NBAS: variants seen among roughly 807,000 people sequenced by gnomAD.
The protein encoded by NBAS is NBAS subunit of NRZ tethering complex, also known as NAG/BC035112 fusion.
A neutral mutation model predicts 302.5 loss-of-function variants in NBAS; 219 were observed. That is an observed-to-expected ratio of 0.72 (90% CI 0.65 to 0.81). NBAS has a LOEUF of 0.81. Ranked by LOEUF, NBAS falls within the 30% of genes least tolerant of loss-of-function variation. NBAS has a pLI of 0.00. For synonymous variants in NBAS, 1,118 were observed against 1,021.6 expected (o/e 1.09, Z -1.80); for missense variants, 2,932 against 2,841.6 (o/e 1.03, Z -0.72).
intron 11 of NBAS, among the ~76,000 whole-genome samples, chr2:15,491,555 T>C (rs1213679257): frequency 1.3e-5 from 2 of 151,970 alleles, no homozygotes; most frequent in East Asian, 1.9e-4. Context: ...GCTAACACAG[T>C]GAAACCCCGT....
At position 15,537,293 on chromosome 2, in the gene NBAS, T is replaced by C. The variant is rs889111290; in HGVS notation, c.514-742A>G. 5.3e-5 allele frequency among the ~76,000 whole-genome samples: 8 copies of C among 152,346 alleles called. 1 individual carries two copies. The highest frequency in any genetic ancestry group is 1.2e-4 in the Non-Finnish European group (8 of 68,038). On this transcript the variant is annotated intron_variant, in intron 7 of 51. Transcript: ENST00000281513. ...GCTCCTCAGTACCAGGAGGAGGAGA[T>C]GGACTCATCCCTGGAAACCAGAAGT...
At chr2:15,304,604 A>C (rs1670948031) in intron 40 of NBAS, among the ~76,000 whole-genome samples, 1 of 152,198 alleles carries the variant, frequency 6.6e-6, no homozygotes, top group African/African-American at 2.4e-5. Flanking sequence ...ACTTTGACCA[A>C]AATGCTGATA....
Position 15,553,414 on chromosome 2 carries a change from A to C in NBAS, c.335+12T>G, listed in dbSNP as rs201007689. Reference sequence around the variant, plus strand: ...AAAGGAAATCTTGAATATGAATAATATTAACAATTACCTGATTTCCACACA... The same window carrying C: ...AAAGGAAATCTTGAATATGAATAATCTTAACAATTACCTGATTTCCACACA... On this transcript the variant is annotated intron_variant, in intron 5 of 51. Transcript: ENST00000281513. The C allele has an allele frequency of 2.7e-4, 435 of 1,596,690 alleles. 3 individuals carry two copies. The highest frequency in any genetic ancestry group is 2.5e-3 in the South Asian group (226 of 90,660).
the NBAS span, among the ~76,000 whole-genome samples, chr2:15,104,500 C>CTT: frequency 6.8e-6 from 1 of 147,508 alleles, no homozygotes; most frequent in Non-Finnish European, 1.5e-5. Flanking sequence ...TTATCTGCTA[C>CTT]TTTTTTTTTT....
chr2:15,457,576 C>G (rs1679304253), intron 21 of NBAS, among the ~76,000 whole-genome samples: 1 of 152,228 alleles, frequency 6.6e-6, no homozygotes, highest in African/African-American at 2.4e-5. Flanking sequence ...GGAAGTGCTA[C>G]TGCTTCGTAA....
the NBAS span, among the ~76,000 whole-genome samples, chr2:14,803,897 G>C: frequency 1.3e-5 from 2 of 152,130 alleles, no homozygotes; most frequent in South Asian, 2.1e-4. Context: ...TGATCCTCCT[G>C]CCTTGGCCTC....
In NBAS at chr2:15,330,787, G is replaced by C. The variant is rs376104069; in HGVS notation, c.4180-22C>G. 1.1e-5 allele frequency: 18 copies of C among 1,611,722 alleles called. No individual in the cohort carries two copies. The African/African-American group carries it at 2.3e-4, about 20-fold the overall frequency. ...CATCCTGTATTAAAGAAACAAAATA[G>C]CAAGGGCAAAAATGCATTACCATAA... On this transcript the variant is annotated intron_variant, in intron 35 of 51. Transcript: ENST00000281513.
intron 44 of NBAS, 22 bp downstream of exon 44, chr2:15,275,462 T>C (rs1489741589): frequency 6.2e-7 from 1 of 1,610,150 alleles, no homozygotes. Flanking sequence ...CTCAAACCAC[T>C]TTAAAATATC....
At chr2:15,063,199 T>C in the NBAS span, among the ~76,000 whole-genome samples, 1 of 152,250 alleles carries the variant, frequency 6.6e-6, no homozygotes, top group African/African-American at 2.4e-5. Context: ...GCCCAGGAAA[T>C]GCTTGTGCTT....
chr2:14,981,389 C>A, the NBAS span, among the ~76,000 whole-genome samples: 4 of 152,180 alleles, frequency 2.6e-5, no homozygotes, highest in Non-Finnish European at 4.4e-5. Context: ...AAATGGAAGG[C>A]CAGACTAAGT....
At chr2:14,991,714 C>T in the NBAS span, among the ~76,000 whole-genome samples, 1 of 152,236 alleles carries the variant, frequency 6.6e-6, no homozygotes, top group African/African-American at 2.4e-5. Context: ...CCATCAGCAT[C>T]ACCTGGGTCT....
At chr2:15,371,720 A>G (rs1192462581) in intron 31 of NBAS, among the ~76,000 whole-genome samples, 1 of 152,148 alleles carries the variant, frequency 6.6e-6, no homozygotes, top group Non-Finnish European at 1.5e-5. Context: ...TCATTATTTC[A>G]GTTCCCAGAG....
At chr2:15,144,048 A>AT in the NBAS span, among the ~76,000 whole-genome samples, 52 of 113,808 alleles carry the variant, frequency 4.6e-4, 5 homozygotes, top group African/African-American at 1.9e-3. Context: ...TATATATAAA[A>AT]ATATATATAT....
At chr2:15,527,400 C>A (rs1396262352) in intron 9 of NBAS, among the ~76,000 whole-genome samples, 1 of 152,140 alleles carries the variant, frequency 6.6e-6, no homozygotes, top group Non-Finnish European at 1.5e-5. Flanking sequence ...TTATGAAGAA[C>A]AGAAACCTAT....
chr2:15,463,542 G>A (rs1340340563), intron 19 of NBAS, among the ~76,000 whole-genome samples: 2 of 151,940 alleles, frequency 1.3e-5, no homozygotes, highest in Non-Finnish European at 2.9e-5. Context: ...TCCCCTCAAA[G>A]TCCCTCATTC....
the NBAS span, among the ~76,000 whole-genome samples, chr2:14,816,667 G>A: frequency 1.3e-5 from 2 of 152,178 alleles, no homozygotes; most frequent in Non-Finnish European, 2.9e-5. Context: ...TAAAGATTCA[G>A]TCTTAGGAGC....
the NBAS span, among the ~76,000 whole-genome samples, chr2:15,077,087 A>C: frequency 6.6e-6 from 1 of 152,208 alleles, no homozygotes; most frequent in African/African-American, 2.4e-5. Flanking sequence ...GGTCATTTTT[A>C]AAGAAAAGAG....
At chr2:14,835,780 C>G in the NBAS span, among the ~76,000 whole-genome samples, 2 of 151,878 alleles carry the variant, frequency 1.3e-5, no homozygotes, top group Non-Finnish European at 2.9e-5. Context: ...AAAGCTGTTA[C>G]AAAATCACAT....
At chr2:15,278,765 A>C (rs142606150) in intron 42 of NBAS, among the ~76,000 whole-genome samples, 2 of 152,312 alleles carry the variant, frequency 1.3e-5, no homozygotes, top group African/African-American at 4.8e-5. Context: ...AAGGGCACAA[A>C]ATTATAGTCC....
Sources: gnomAD v4.1 joint callset for allele counts (sites outside exome capture counted in the v4.1 genomes callset) on GRCh38, gnomAD v4.1.1 for gene constraint, MANE v1.5 for transcripts, NCBI Gene and HGNC (gene_info 2026-07-23, HGNC 2026-07-21) for gene names.